The following ANK2 variants were observed in gnomAD, a reference collection of about 807,000 sequenced individuals.
The protein encoded by ANK2 is ankyrin-2.
Under a neutral mutation model 360.5 loss-of-function variants are expected in ANK2, and 83 were observed. That is an observed-to-expected ratio of 0.23 (90% CI 0.19 to 0.28). The LOEUF is 0.28. Among genes scored for constraint, ANK2 ranks in the 10% least tolerant of loss-of-function variants. ANK2 has a pLI of 1.00. For synonymous variants in ANK2, 1,740 were observed against 1,759.5 expected (o/e 0.99, Z 0.28); for missense variants, 4,201 against 4,795.7 (o/e 0.88, Z 3.66).
At chr4:112,738,225 C>T in the ANK2 span, among the ~76,000 whole-genome samples, 1 of 152,074 alleles carries the variant, frequency 6.6e-6, no homozygotes, top group Non-Finnish European at 1.5e-5. Flanking sequence ...GCCTAGCCAA[C>T]ATGGCGAAGC....
the ANK2 span, among the ~76,000 whole-genome samples, chr4:112,804,833 G>A: frequency 1.4e-4 from 22 of 151,898 alleles, no homozygotes; most frequent in Admixed American, 1.2e-3. Flanking sequence ...GGTGGCACAC[G>A]CACCTGTAAT....
Position 113,356,421 on chromosome 4 carries a change from T to C in ANK2, c.7803T>C (p.Leu2601=). The part of the protein sequence containing the change: ...MVTKIKMFDE[L]EQEAKQKRDY... ...CCAAAATCAAAATGTTTGATGAACT[T>C]GAACAAGAAGCAAAGCAGAAAAGGG... Residue 2601 remains leucine (L), a synonymous_variant, in exon 38 of 46, where the codon CTT becomes CTC. Coordinates refer to ENST00000357077, the MANE Select transcript of ANK2 (RefSeq NM_001148.6). 1 of 1,614,020 alleles carries C rather than the reference T, an allele frequency of 6.2e-7. No individual in the cohort carries two copies. Among genetic ancestry groups the C allele is most frequent in the Non-Finnish European group, 8.5e-7 (1 of 1,179,970 alleles).
rs562680327 is a variant in ANK2 at position 113,205,383 on chromosome 4, G to T, written c.384+6274G>T. Among the ~76,000 whole-genome samples the T allele has an allele frequency of 2.8e-4, 42 of 152,098 alleles. 1 individual carries two copies. The South Asian group carries it at 8.3e-3, about 30-fold the overall frequency. On this transcript the variant is annotated intron_variant, in intron 4 of 45. Coordinates refer to ENST00000357077, the MANE Select transcript of ANK2 (RefSeq NM_001148.6). ...TCCTCTCATAAGGATTCTAGAAACAGATTTGTTTTCTTTTCATCTTATTTT... is the reference window on the plus strand; with the variant it reads ...TCCTCTCATAAGGATTCTAGAAACATATTTGTTTTCTTTTCATCTTATTTT...
intron 4 of ANK2, among the ~76,000 whole-genome samples, chr4:113,211,521 C>T (rs1006265021): frequency 6.6e-6 from 1 of 152,098 alleles, no homozygotes; most frequent in African/African-American, 2.4e-5. Flanking sequence ...ATTGTGGAAG[C>T]AATAAAATGT....
chr4:112,894,761 A>G (rs1227113108), intron 1 of ANK2, among the ~76,000 whole-genome samples: 2 of 152,158 alleles, frequency 1.3e-5, no homozygotes, highest in Non-Finnish European at 2.9e-5. Context: ...GCTTGATTTT[A>G]TAGGAGCAGA....
the ANK2 span, chr4:112,788,340 A>C: frequency 6.5e-7 from 1 of 1,547,500 alleles, no homozygotes; most frequent in Non-Finnish European, 8.8e-7. Flanking sequence ...TTGATAATGC[A>C]CTAAGGGACC....
chr4:113,255,704 G>A lies in ANK2; in HGVS notation c.991-31G>A, dbSNP rs576488632. ...ACCTGAAAATAATGAAAAAAAAAAA[G>A]GACATTATTTTGTTTTCTTTTAATG... is the stretch of plus-strand genomic sequence containing the variant. On this transcript the variant is annotated intron_variant, in intron 10 of 45. Coordinates refer to ENST00000357077, the MANE Select transcript of ANK2 (RefSeq NM_001148.6). 6.9e-6 allele frequency: 11 copies of A among 1,599,524 alleles called. No homozygotes were observed. The South Asian group carries it at 1.1e-4, about 16-fold the overall frequency.
At chr4:112,760,656 AG>A in the ANK2 span, among the ~76,000 whole-genome samples, 2 of 151,858 alleles carry the variant, frequency 1.3e-5, no homozygotes, top group Non-Finnish European at 2.9e-5. Context: ...CTCGTCATTT[AG>A]CATTAGGTAT....
intron 1 of ANK2, among the ~76,000 whole-genome samples, chr4:112,855,988 C>T (rs1309017222): frequency 6.6e-6 from 1 of 152,080 alleles, no homozygotes; most frequent in East Asian, 1.9e-4. Context: ...GATGTGGGTG[C>T]CCGCCCAGGA....
intron 1 of ANK2, among the ~76,000 whole-genome samples, chr4:113,113,728 T>TGTGA (rs2154367173): frequency 1.3e-5 from 2 of 152,306 alleles, no homozygotes; most frequent in South Asian, 4.1e-4. Context: ...TTTCAATGGC[T>TGTGA]GTGAGCTCCT....
intron 1 of ANK2, among the ~76,000 whole-genome samples, chr4:113,147,266 C>T (rs1213272102): frequency 2.0e-5 from 3 of 152,178 alleles, no homozygotes; most frequent in Admixed American, 6.5e-5. Context: ...AGAGCAGTAA[C>T]GTTTCTCCTG....
At position 112,831,941 on chromosome 4, in the gene ANK2, C is replaced by G. The variant is rs1378177169; in HGVS notation, c.-40+13677C>G. Among the ~76,000 whole-genome samples, 4 of 152,268 alleles carry G rather than the reference C, an allele frequency of 2.6e-5. No homozygotes were observed. The East Asian group carries it at 7.7e-4, about 29-fold the overall frequency. On this transcript the variant is annotated intron_variant, in intron 1 of 30. Transcript: ENST00000503271. ...CCAAACCCACCAGAAGGAAGAAACT[C>G]TGGACACATCTGAACATCTGAAGGA...
At chr4:112,969,460 G>A (rs1038588107) in intron 2 of ANK2, among the ~76,000 whole-genome samples, 2 of 152,064 alleles carry the variant, frequency 1.3e-5, no homozygotes, top group Non-Finnish European at 2.9e-5. Context: ...GCTTCCCCCC[G>A]GACTTTAATG....
intron 13 of ANK2, among the ~76,000 whole-genome samples, chr4:113,261,001 G>A (rs1222943381): frequency 6.6e-6 from 1 of 152,140 alleles, no homozygotes; most frequent in African/African-American, 2.4e-5. Flanking sequence ...TTTTCAACTT[G>A]ATGCGCCCAA....
At chr4:113,187,065 C>A (rs2098543974) in intron 2 of ANK2, among the ~76,000 whole-genome samples, 1 of 152,014 alleles carries the variant, frequency 6.6e-6, no homozygotes, top group Non-Finnish European at 1.5e-5. Context: ...CCCACCCCAC[C>A]CCCTAAACTG....
Position 113,348,321 on chromosome 4 carries a change from C to A in ANK2, c.4404+13C>A. The stretch of plus-strand genomic sequence containing the variant: ...ACAGGAGGAAGAGGTAATTTTATGA[C>A]AGTGTCACTTGTTATCGGCTGTGTC... On this transcript the variant is annotated intron_variant, in intron 36 of 45. Coordinates refer to ENST00000357077, the MANE Select transcript of ANK2 (RefSeq NM_001148.6). The A allele has an allele frequency of 6.2e-7, 1 of 1,612,626 alleles. No individual in the cohort carries two copies. Among genetic ancestry groups the A allele is most frequent in the South Asian group, 1.1e-5 (1 of 91,034 alleles).
chr4:112,784,959 GA>G, the ANK2 span, among the ~76,000 whole-genome samples: 1 of 152,310 alleles, frequency 6.6e-6, no homozygotes, highest in East Asian at 1.9e-4. Flanking sequence ...GGTTGAGCTG[GA>G]AAATGTTTAC....
In ANK2 at chr4:113,318,457, T is replaced by G; in HGVS notation, c.2797-60T>G. 5 of 1,329,484 alleles carry G rather than the reference T, an allele frequency of 3.8e-6. No homozygotes were observed. In the South Asian group the frequency reaches 6.2e-5, roughly 17 times the overall value. 82.4% of individuals were successfully genotyped at this position (1,329,484 alleles called of 1,614,324 possible). On this transcript the variant is annotated intron_variant, in intron 25 of 45. Coordinates refer to ENST00000357077, the MANE Select transcript of ANK2 (RefSeq NM_001148.6). ...AGTGATGACACTTTTTATATTTTGT[T>G]ATATTTTACTTTAATTGAAGCAAAG... is the stretch of plus-strand genomic sequence containing the variant.
intron 23 of ANK2, among the ~76,000 whole-genome samples, chr4:113,308,420 A>C (rs993000889): frequency 1.3e-5 from 2 of 152,214 alleles, no homozygotes; most frequent in Non-Finnish European, 2.9e-5. Context: ...TGCAAAATTC[A>C]TGAGAGAGGT....
Sources: gnomAD v4.1 joint callset for allele counts (sites outside exome capture counted in the v4.1 genomes callset) on GRCh38, gnomAD v4.1.1 for gene constraint, MANE v1.5 for transcripts, NCBI Gene and HGNC (gene_info 2026-07-23, HGNC 2026-07-21) for gene names.